Variants in SDK1 observed in about 807,000 individuals in gnomAD.
The protein encoded by SDK1 is protein sidekick-1.
In SDK1, 157 loss-of-function variants were observed where a neutral mutation model predicts 245.5. The ratio of observed to expected loss-of-function variants is 0.64; its 90% CI spans 0.56 to 0.73. The LOEUF is 0.73. Ranked by LOEUF, SDK1 falls within the 30% of genes least tolerant of loss-of-function variation. The pLI is 0.00. For missense variants in SDK1, 3,583 were observed against 3,002.3 expected (o/e 1.19, Z -4.52); for synonymous variants, 1,647 against 1,278.5 (o/e 1.29, Z -6.15).
At position 4,265,935 on chromosome 7, in the gene SDK1, G is replaced by T. The variant is rs940984132; in HGVS notation, c.*551G>T. 1.0e-6 allele frequency: 1 copy of T among 985,688 alleles called. No individual in the cohort carries two copies. The highest frequency in any genetic ancestry group is 1.2e-6 in the Non-Finnish European group (1 of 830,208). 61.1% of individuals were successfully genotyped at this position (985,688 alleles called of 1,614,324 possible). A position where few individuals can be genotyped will look rare whatever the true frequency, so the allele number is the denominator to read the frequency against. On this transcript the variant is annotated 3_prime_UTR_variant, in exon 45 of 45. Transcript: ENST00000404826. ...TCCCAACTTCATCTGTTTCTGAAAT[G>T]TTCTCACTTGGCAGTGTCTAGTCAA...
chr7:4,193,190 A>T (rs1361737589), intron 35 of SDK1, among the ~76,000 whole-genome samples: 1 of 133,858 alleles, frequency 7.5e-6, no homozygotes, highest in Non-Finnish European at 1.5e-5. Flanking sequence ...GTATAAATAT[A>T]TTAATATATT....
At chr7:3,636,361 C>T (rs750399507) in intron 2 of SDK1, among the ~76,000 whole-genome samples, 2 of 152,060 alleles carry the variant, frequency 1.3e-5, no homozygotes, top group Non-Finnish European at 2.9e-5. Flanking sequence ...TGGATTCCTC[C>T]CCGCTTCCCC....
intron 1 of SDK1, among the ~76,000 whole-genome samples, chr7:3,428,633 C>G (rs917316229): frequency 6.6e-6 from 1 of 152,192 alleles, no homozygotes; most frequent in African/African-American, 2.4e-5. Context: ...TATAGGAACT[C>G]TGTCTGTGCT....
In SDK1 at chr7:4,268,637, C is replaced by T. The variant is rs372114739; in HGVS notation, c.*3253C>T. On this transcript the variant is annotated 3_prime_UTR_variant, in exon 45 of 45. Coordinates refer to ENST00000404826, the MANE Select transcript of SDK1 (RefSeq NM_152744.4). ...GAAGCATGATGTTTGCCTAATGGTT[C>T]GTAGCATGGTTTTTATTTCTTACGC... is the stretch of plus-strand genomic sequence containing the variant. 85 of 1,367,598 alleles carry T rather than the reference C, an allele frequency of 6.2e-5. No homozygotes were observed. Among genetic ancestry groups the T allele is most frequent in the Non-Finnish European group, 7.2e-5 (74 of 1,021,874 alleles). 84.7% of individuals were successfully genotyped at this position (1,367,598 alleles called of 1,614,324 possible).
chr7:3,837,983 C>T (rs1027983886), intron 5 of SDK1, among the ~76,000 whole-genome samples: 6 of 152,134 alleles, frequency 3.9e-5, no homozygotes, highest in African/African-American at 1.2e-4. Flanking sequence ...ACTCCCAGGT[C>T]CCCTTGAGAG....
At chr7:4,073,662 T>C (rs974706472) in intron 20 of SDK1, among the ~76,000 whole-genome samples, 8 of 152,230 alleles carry the variant, frequency 5.3e-5, no homozygotes, top group Admixed American at 2.6e-4. Flanking sequence ...TATTTAGCGA[T>C]TGACCAGGTG....
chr7:4,233,442 GTCT>G (rs1304930531), intron 41 of SDK1, 23 bp downstream of exon 41: 6 of 1,605,142 alleles, frequency 3.7e-6, no homozygotes, highest in South Asian at 1.1e-5. Context: ...AGGGAGGTCT[GTCT>G]TCTTCTGGAG....
At chr7:3,726,438 C>A (rs1409504076) in intron 4 of SDK1, among the ~76,000 whole-genome samples, 1 of 152,146 alleles carries the variant, frequency 6.6e-6, no homozygotes, top group Non-Finnish European at 1.5e-5. Flanking sequence ...AGTCTTATGG[C>A]AAATTTTGAG....
intron 4 of SDK1, among the ~76,000 whole-genome samples, chr7:3,675,205 C>G (rs1309258020): frequency 6.6e-6 from 1 of 152,152 alleles, no homozygotes; most frequent in African/African-American, 2.4e-5. Context: ...ATGGTTCAGG[C>G]CAAAACCTTG....
chr7:3,493,193 C>T (rs551354919), intron 1 of SDK1, among the ~76,000 whole-genome samples: 1 of 152,092 alleles, frequency 6.6e-6, no homozygotes, highest in East Asian at 1.9e-4. Flanking sequence ...CCTCATAATC[C>T]TCACACCTCG....
chr7:3,369,280 G>T (rs1406749487), intron 1 of SDK1, among the ~76,000 whole-genome samples: 1 of 152,016 alleles, frequency 6.6e-6, no homozygotes, highest in East Asian at 1.9e-4. Context: ...TCCTTAAGCA[G>T]TCCACCTGCC....
intron 4 of SDK1, among the ~76,000 whole-genome samples, chr7:3,652,850 A>T (rs1033194963): frequency 6.6e-6 from 1 of 152,172 alleles, no homozygotes; most frequent in African/African-American, 2.4e-5. Flanking sequence ...GGCTGTCTGC[A>T]AGGGAGTGAT....
intron 1 of SDK1, among the ~76,000 whole-genome samples, chr7:3,546,027 T>C (rs1779214886): frequency 6.6e-6 from 1 of 152,236 alleles, no homozygotes; most frequent in African/African-American, 2.4e-5. Context: ...ATGAAATTGC[T>C]GAAAATAATT....
At chr7:4,261,198 G>C (rs1787980131) in intron 44 of SDK1, among the ~76,000 whole-genome samples, 1 of 152,160 alleles carries the variant, frequency 6.6e-6, no homozygotes, top group South Asian at 2.1e-4. Flanking sequence ...CAAGTCCCTA[G>C]GTGCCGGACG....
chr7:4,114,213 C>A lies in SDK1; in HGVS notation c.3762C>A (p.Ala1254=). ...EWMEYELQMQ[A]FNAVGAGPWS... ...TGGAATACGAGCTGCAGATGCAGGC[C>A]TTCAACGCCGTCGGGGCTGGGCCGT... Residue 1254 remains alanine, a synonymous_variant, in exon 25 of 45, where the codon GCC becomes GCA. Transcript: ENST00000404826. 6.2e-7 allele frequency: 1 copy of A among 1,613,644 alleles called. No homozygotes were observed. Among genetic ancestry groups the A allele is most frequent in the Non-Finnish European group, 8.5e-7 (1 of 1,179,952 alleles).
intron 4 of SDK1, among the ~76,000 whole-genome samples, chr7:3,755,435 T>C (rs1461176615): frequency 6.6e-6 from 1 of 152,176 alleles, no homozygotes; most frequent in Non-Finnish European, 1.5e-5. Flanking sequence ...TCTGTCTGCA[T>C]AGTCCGCCTC....
chr7:3,362,395 T>C (rs1003471046), intron 1 of SDK1, among the ~76,000 whole-genome samples: 1 of 152,212 alleles, frequency 6.6e-6, no homozygotes, highest in African/African-American at 2.4e-5. Flanking sequence ...GGTGATCTTA[T>C]TTGAGTAGTA....
intron 22 of SDK1, among the ~76,000 whole-genome samples, chr7:4,093,572 G>A (rs547785353): frequency 2.0e-5 from 3 of 151,702 alleles, no homozygotes; most frequent in East Asian, 3.9e-4. Flanking sequence ...TAAAGCACAA[G>A]TCTGTTTAGT....
At chr7:3,830,843 C>A (rs931938569) in intron 5 of SDK1, among the ~76,000 whole-genome samples, 3 of 152,064 alleles carry the variant, frequency 2.0e-5, no homozygotes, top group Non-Finnish European at 4.4e-5. Context: ...TTAGACTTAG[C>A]CAGCAGCGAA....
Sources: allele counts gnomAD v4.1 joint callset (sites outside exome capture counted in the v4.1 genomes callset), GRCh38; gene constraint gnomAD v4.1.1; transcripts MANE v1.5; gene names NCBI Gene and HGNC (gene_info 2026-07-23, HGNC 2026-07-21).